The following PFKFB1 variants were observed in gnomAD, a reference collection of about 807,000 sequenced individuals.
PFKFB1 encodes 6-phosphofructo-2-kinase/fructose-2,6-bisphosphatase 1.
PFKFB1 carries 34 observed loss-of-function variants against 46.4 expected under a neutral mutation model. That is an observed-to-expected ratio of 0.73 (90% CI 0.56 to 0.98). PFKFB1 has a LOEUF of 0.98. PFKFB1 is among the 50% of genes least tolerant of loss of function. The pLI, the probability that PFKFB1 is intolerant of heterozygous loss-of-function variation, is 0.00. For missense variants in PFKFB1, 393 were observed against 376.3 expected, an observed-to-expected ratio of 1.04 and a Z score of -0.37; for synonymous variants, 119 against 133.8, an observed-to-expected ratio of 0.89 and a Z score of 0.76.
intron 11 of PFKFB1, among the ~76,000 whole-genome samples, chrX:54,936,693 C>G (rs1243876113): frequency 8.9e-6 from 1 of 111,900 alleles, no homozygotes; most frequent in Non-Finnish European, 1.9e-5. Flanking sequence ...ATCCTATCAC[C>G]TATTTCCAGT....
At chrX:54,937,566 C>G (rs780532275) in intron 11 of PFKFB1, 29 bp downstream of exon 11, 2 of 1,188,209 alleles carry the variant, frequency 1.7e-6, no homozygotes, top group Admixed American at 4.4e-5. Flanking sequence ...TACCATCAAA[C>G]ATTCCCAAAG....
chrX:54,947,308 T>G (rs1282135826), intron 9 of PFKFB1, among the ~76,000 whole-genome samples: 1 of 111,813 alleles, frequency 8.9e-6, no homozygotes, highest in Non-Finnish European at 1.9e-5. Context: ...TATTTCTCTG[T>G]TTATTCCTCT....
rs1346791348 is a variant in PFKFB1, at chrX:54,951,948, C to A, written c.803G>T (p.Gly268Val). ...RHGESELNIR[G>V]RIGGDSGLSV... ...GAGGCCAGAGTCACCTCCGATGCGGCCTCTGATGTTGAGTTCACTCTCGCC... is the reference window on the plus strand; with the variant it reads ...GAGGCCAGAGTCACCTCCGATGCGGACTCTGATGTTGAGTTCACTCTCGCC... Residue 268 changes from glycine (G) to valine (V), a missense_variant, in exon 8 of 14, where the codon GGC (glycine) becomes GTC (valine). By Grantham distance (109) the Gly-to-Val change is moderately radical (BLOSUM62 -3). Coordinates refer to ENST00000375006, the MANE Select transcript of PFKFB1 (RefSeq NM_002625.4). 8.3e-7 allele frequency: 1 copy of A among 1,208,812 alleles called. No homozygotes were observed. Among genetic ancestry groups the A allele is most frequent in the Admixed American group, 2.2e-5 (1 of 45,781 alleles).
chrX:54,949,042 C>A (rs1933883885), intron 9 of PFKFB1, 33 bp downstream of exon 9: 2 of 1,202,803 alleles, frequency 1.7e-6, no homozygotes, highest in African/African-American at 1.7e-5. Context: ...CAAGTCACCC[C>A]CACACACAGG....
At chrX:54,980,000 G>A (rs1412629141) in intron 1 of PFKFB1, among the ~76,000 whole-genome samples, 1 of 111,219 alleles carries the variant, frequency 9.0e-6, no homozygotes, top group African/African-American at 3.3e-5. Context: ...AGAAACTAAG[G>A]ACCTCATTCC....
chrX:54,936,033 G>A (rs2146586369), intron 11 of PFKFB1, among the ~76,000 whole-genome samples: 1 of 110,815 alleles, frequency 9.0e-6, no homozygotes, highest in Non-Finnish European at 1.9e-5. Context: ...CCTTGTTTTT[G>A]TCATCATCAG....
intron 1 of PFKFB1, among the ~76,000 whole-genome samples, chrX:54,964,691 C>A (rs773889607): frequency 1.8e-5 from 2 of 111,494 alleles, no homozygotes; most frequent in East Asian, 5.7e-4. Flanking sequence ...TGCTCCCTCC[C>A]ACTGTTCCCC....
At chrX:54,974,127 A>G (rs1934769171) in intron 1 of PFKFB1, among the ~76,000 whole-genome samples, 1 of 111,674 alleles carries the variant, frequency 9.0e-6, no homozygotes, top group African/African-American at 3.2e-5. Flanking sequence ...CCTGAAACTC[A>G]TATGGAAGGG....
intron 8 of PFKFB1, among the ~76,000 whole-genome samples, chrX:54,949,789 C>A (rs1052233437): frequency 8.9e-6 from 1 of 112,613 alleles, no homozygotes; most frequent in African/African-American, 3.2e-5. Flanking sequence ...GCACTGAAAG[C>A]GGACTCTAGA....
chrX:54,973,911 C>T (rs1452848921), intron 1 of PFKFB1, among the ~76,000 whole-genome samples: 1 of 110,442 alleles, frequency 9.1e-6, no homozygotes, highest in Admixed American at 9.7e-5. Flanking sequence ...AGGTATAACA[C>T]CAATAAAACA....
chrX:54,951,627 G>C (rs990080254), intron 8 of PFKFB1, among the ~76,000 whole-genome samples: 16 of 112,753 alleles, frequency 1.4e-4, no homozygotes, highest in African/African-American at 5.2e-4. Flanking sequence ...CAGTCAGGCA[G>C]GGCCAAGGGA....
chrX:54,951,326 G>A (rs1933966851), intron 8 of PFKFB1, among the ~76,000 whole-genome samples: 1 of 112,372 alleles, frequency 8.9e-6, no homozygotes, highest in Non-Finnish European at 1.9e-5. Flanking sequence ...TGCCTGGGAG[G>A]GAGGAGAGGA....
chrX:54,984,400 C>T (rs1239126526), intron 1 of PFKFB1, among the ~76,000 whole-genome samples: 1 of 111,882 alleles, frequency 8.9e-6, no homozygotes, highest in Non-Finnish European at 1.9e-5. Context: ...TCATTTCTGG[C>T]ATGACAGCAT....
chrX:54,982,775 G>C (rs1233588505), intron 1 of PFKFB1, among the ~76,000 whole-genome samples: 1 of 111,108 alleles, frequency 9.0e-6, no homozygotes, highest in East Asian at 2.8e-4. Context: ...AGGTATGCAA[G>C]ACTAGAATAA....
At position 54,984,521 on chromosome X, in the gene PFKFB1, A is replaced by T. The variant is rs1349369397; in HGVS notation, c.97+9390T>A. On this transcript the variant is annotated intron_variant, in intron 1 of 13. Coordinates refer to ENST00000375006, the MANE Select transcript of PFKFB1 (RefSeq NM_002625.4). ...TGTCTTAATGGAATACAGTACATGA[A>T]GATATTTTTATTCAAGAAAATCTAC... Among the ~76,000 whole-genome samples, 4 of 112,202 alleles carry T rather than the reference A, an allele frequency of 3.6e-5. No homozygotes were observed. In the East Asian group the frequency reaches 1.1e-3, roughly 32 times the overall value.
At chrX:54,973,040 T>C (rs936301506) in intron 1 of PFKFB1, among the ~76,000 whole-genome samples, 1 of 111,709 alleles carries the variant, frequency 9.0e-6, no homozygotes, top group East Asian at 2.8e-4. Context: ...TATTCAGAGA[T>C]TCAACTTCTT....
upstream of PFKFB1, among the ~76,000 whole-genome samples, chrX:54,996,944 C>T (rs181713064): frequency 9.0e-6 from 1 of 111,321 alleles, no homozygotes; most frequent in African/African-American, 3.3e-5. Flanking sequence ...CCCACATGCT[C>T]CTATCTGAGC....
chrX:54,968,559 A>T (rs1189514109), intron 1 of PFKFB1, among the ~76,000 whole-genome samples: 2 of 111,677 alleles, frequency 1.8e-5, no homozygotes, highest in Admixed American at 9.6e-5. Context: ...TAGAAATTTC[A>T]TAGGTATTAC....
chrX:54,964,428 A>G (rs543347567), intron 1 of PFKFB1, among the ~76,000 whole-genome samples: 9 of 112,571 alleles, frequency 8.0e-5, no homozygotes, highest in Non-Finnish European at 1.5e-4. Context: ...AAAGCAAGGA[A>G]TAAAAACAAT....
Sources: gnomAD v4.1 joint callset for allele counts (sites outside exome capture counted in the v4.1 genomes callset) on GRCh38, gnomAD v4.1.1 for gene constraint, MANE v1.5 for transcripts, NCBI Gene and HGNC (gene_info 2026-07-23, HGNC 2026-07-21) for gene names.